The following ADGB variants were observed in gnomAD, a reference collection of about 807,000 sequenced individuals.
The protein encoded by ADGB is androglobin.
In ADGB, 172 loss-of-function variants were observed where a neutral mutation model predicts 210.5. That is an observed-to-expected ratio of 0.82 (90% CI 0.72 to 0.93). The LOEUF (loss-of-function observed/expected upper bound fraction) is 0.93, where lower values mean the gene tolerates loss of function less well. Among genes scored for constraint, ADGB ranks in the 40% least tolerant of loss-of-function variants. ADGB has a pLI of 0.00. For missense variants in ADGB, 2,025 were observed against 1,964.8 expected, an observed-to-expected ratio of 1.03 and a Z score of -0.58; for synonymous variants, 658 against 662.7, an observed-to-expected ratio of 0.99 and a Z score of 0.11.
chr6:146,786,364 G>A (rs939820811), intron 32 of ADGB, among the ~76,000 whole-genome samples: 4 of 151,710 alleles, frequency 2.6e-5, no homozygotes, highest in Admixed American at 2.6e-4. Flanking sequence ...TGATTACATC[G>A]ATTGCCACAC....
chr6:146,615,001 C>G (rs4621654), intron 1 of ADGB, among the ~76,000 whole-genome samples: 7 of 151,948 alleles, frequency 4.6e-5, no homozygotes, highest in Non-Finnish European at 1.0e-4. Flanking sequence ...CCCGGGTTCA[C>G]GCCATTGTCT....
At chr6:146,658,257 G>A (rs74552689) in intron 5 of ADGB, among the ~76,000 whole-genome samples, 360 of 152,154 alleles carry the variant, frequency 2.4e-3, no homozygotes, top group Middle Eastern at 6.8e-3. Context: ...TTGAAATTTT[G>A]TTAGAAGAGA....
chr6:146,670,810 T>C (rs949480572), intron 7 of ADGB, among the ~76,000 whole-genome samples: 1 of 152,048 alleles, frequency 6.6e-6, no homozygotes, highest in Non-Finnish European at 1.5e-5. Flanking sequence ...TTGTGTAAAA[T>C]GAGAATTAAA....
At chr6:146,802,074 A>G in intron 35 of ADGB, 63 bp downstream of exon 35, 1 of 1,079,576 alleles carries the variant, frequency 9.3e-7, no homozygotes, top group Non-Finnish European at 1.3e-6. Context: ...TTAAAAAGAA[A>G]TTATATAATT....
intron 8 of ADGB, among the ~76,000 whole-genome samples, chr6:146,672,894 C>G (rs1245344967): frequency 6.6e-6 from 1 of 151,902 alleles, no homozygotes; most frequent in Non-Finnish European, 1.5e-5. Flanking sequence ...CCACGCCCAG[C>G]TAATTTTTGT....
chr6:146,664,111 T>A lies in ADGB; in HGVS notation c.613-90T>A, dbSNP rs562946388. 12 of 1,275,582 alleles carry A rather than the reference T, an allele frequency of 9.4e-6. No individual in the cohort carries two copies. In the South Asian group the frequency reaches 2.0e-4, roughly 21 times the overall value. The allele number at this position is 1,275,582 out of a possible 1,614,324, so 79.0% of individuals were successfully genotyped here. A position where few individuals can be genotyped will look rare whatever the true frequency, so the allele number is the denominator to read the frequency against. On this transcript the variant is annotated intron_variant, in intron 5 of 35. Transcript: ENST00000397944. Reference sequence around the variant, plus strand: ...ATGCTAAAATAAAATTGGAAAACGGTAAATAGTAATGTCAGCCACGTGCAA... The same window carrying A: ...ATGCTAAAATAAAATTGGAAAACGGAAAATAGTAATGTCAGCCACGTGCAA...
chr6:146,766,984 T>C (rs561694094), intron 28 of ADGB, among the ~76,000 whole-genome samples: 12 of 152,164 alleles, frequency 7.9e-5, no homozygotes, highest in Non-Finnish European at 1.5e-4. Flanking sequence ...CCTGAAACAT[T>C]TGACAAAGTT....
intron 27 of ADGB, among the ~76,000 whole-genome samples, chr6:146,755,730 GATGTGT>G (rs1389210717): frequency 6.6e-6 from 1 of 151,884 alleles, no homozygotes; most frequent in East Asian, 1.9e-4. Flanking sequence ...CATTAATTTT[GATGTGT>G]ATGTTTTTGA....
At chr6:146,797,938 C>T (rs1240433244) in intron 33 of ADGB, among the ~76,000 whole-genome samples, 2 of 136,348 alleles carry the variant, frequency 1.5e-5, no homozygotes, top group Admixed American at 1.4e-4. Context: ...AATAAATAAA[C>T]AAATAAGTAA....
intron 2 of ADGB, among the ~76,000 whole-genome samples, chr6:146,642,561 C>T (rs763428658): frequency 4.0e-5 from 6 of 151,786 alleles, no homozygotes; most frequent in South Asian, 2.1e-4. Context: ...CCATGTGGTA[C>T]GTATATACTA....
intron 33 of ADGB, among the ~76,000 whole-genome samples, chr6:146,793,711 C>G (rs1777990574): frequency 6.6e-6 from 1 of 152,182 alleles, no homozygotes; most frequent in Non-Finnish European, 1.5e-5. Context: ...TCACCCAACT[C>G]CAGAAGTTGG....
chr6:146,793,824 C>A (rs1415811706), intron 33 of ADGB, among the ~76,000 whole-genome samples: 1 of 152,206 alleles, frequency 6.6e-6, no homozygotes, highest in Non-Finnish European at 1.5e-5. Flanking sequence ...AAGCAACACT[C>A]TTCCCCTAAG....
At chr6:146,678,070 A>G (rs1233125071) in intron 9 of ADGB, among the ~76,000 whole-genome samples, 1 of 152,278 alleles carries the variant, frequency 6.6e-6, no homozygotes, top group Non-Finnish European at 1.5e-5. Flanking sequence ...GTTAAATCTA[A>G]GTGCATTTCT....
intron 13 of ADGB, among the ~76,000 whole-genome samples, chr6:146,707,200 T>C (rs1305969841): frequency 6.6e-6 from 1 of 152,118 alleles, no homozygotes; most frequent in Non-Finnish European, 1.5e-5. Flanking sequence ...TTATAAAAGG[T>C]AGTTATATGA....
intron 35 of ADGB, chr6:146,802,286 G>A: frequency 5.0e-6 from 1 of 201,240 alleles, no homozygotes; most frequent in African/African-American, 2.3e-5. Context: ...TGTTCAAGTT[G>A]GAAAATAACT....
intron 1 of ADGB, among the ~76,000 whole-genome samples, chr6:146,634,608 A>G (rs911271747): frequency 4.6e-5 from 7 of 152,102 alleles, no homozygotes; most frequent in Admixed American, 1.3e-4. Context: ...ACATATATTT[A>G]AAGTAGGAAA....
At chr6:146,644,668 G>T in intron 2 of ADGB, 105 bp from the exon 3 acceptor site, 1 of 617,142 alleles carries the variant, frequency 1.6e-6, no homozygotes. Context: ...CTTTGTAAAG[G>T]CTTATTGATT....
intron 29 of ADGB, among the ~76,000 whole-genome samples, chr6:146,770,239 G>C (rs1464407499): frequency 3.3e-5 from 5 of 152,100 alleles, no homozygotes; most frequent in Non-Finnish European, 7.4e-5. Context: ...TATCTGCCTG[G>C]ACCTGATCAA....
chr6:146,693,372 C>T (rs1253518893), intron 12 of ADGB, among the ~76,000 whole-genome samples: 5 of 152,114 alleles, frequency 3.3e-5, no homozygotes, highest in African/African-American at 9.7e-5. Flanking sequence ...GGAAAGGCTA[C>T]GTGAGCACAC....
Sources: gnomAD v4.1 joint callset for allele counts (sites outside exome capture counted in the v4.1 genomes callset) on GRCh38, gnomAD v4.1.1 for gene constraint, MANE v1.5 for transcripts, NCBI Gene and HGNC (gene_info 2026-07-23, HGNC 2026-07-21) for gene names.